The following HIP1 variants were observed in gnomAD, a reference collection of about 807,000 sequenced individuals.
The protein encoded by HIP1 is huntingtin-interacting protein 1.
Under a neutral mutation model 147.6 loss-of-function variants are expected in HIP1, and 65 were observed. The observed-to-expected ratio is 0.44, with a 90% CI of 0.36 to 0.54. The LOEUF (loss-of-function observed/expected upper bound fraction) is 0.54, where lower values mean the gene tolerates loss of function less well. HIP1 is among the 20% of genes least tolerant of loss of function. HIP1 has a pLI of 0.00. For synonymous variants in HIP1, 479 were observed against 504.0 expected (o/e 0.95, Z 0.67); for missense variants, 1,061 against 1,299.6 (o/e 0.82, Z 2.82).
At chr7:75,694,213 C>T (rs1584956614) in intron 1 of HIP1, among the ~76,000 whole-genome samples, 1 of 152,072 alleles carries the variant, frequency 6.6e-6, no homozygotes. Context: ...CCACCGCGCC[C>T]GGCCCCAATT....
intron 1 of HIP1, among the ~76,000 whole-genome samples, chr7:75,676,605 C>T (rs1799898614): frequency 1.3e-5 from 2 of 151,586 alleles, no homozygotes; most frequent in African/African-American, 2.4e-5. Flanking sequence ...GGTGAAACCC[C>T]GTCTCTACTA....
intron 1 of HIP1, among the ~76,000 whole-genome samples, chr7:75,622,250 C>T (rs952477178): frequency 1.4e-4 from 21 of 151,240 alleles, no homozygotes; most frequent in African/African-American, 5.1e-4. Context: ...GCACTCTAGC[C>T]TGGGTGATAG....
At chr7:75,665,039 C>T (rs573522157) in intron 1 of HIP1, among the ~76,000 whole-genome samples, 1 of 152,096 alleles carries the variant, frequency 6.6e-6, no homozygotes, top group East Asian at 1.9e-4. Flanking sequence ...TTTGGGAGGC[C>T]AAGGTGTTCG....
intron 1 of HIP1, among the ~76,000 whole-genome samples, chr7:75,657,401 G>A (rs1277341102): frequency 6.6e-6 from 1 of 151,812 alleles, no homozygotes; most frequent in East Asian, 1.9e-4. Context: ...ATGGTGGCAG[G>A]CACCTGTAAT....
chr7:75,582,218 G>A (rs1382542864), intron 5 of HIP1, 67 bp from the exon 6 acceptor site: 1 of 1,256,652 alleles, frequency 8.0e-7, no homozygotes, highest in African/African-American at 1.5e-5. Flanking sequence ...AGCCGGGCGT[G>A]GTGGCACACG....
At chr7:75,590,544 A>T (rs183830646) in intron 4 of HIP1, among the ~76,000 whole-genome samples, 10 of 152,302 alleles carry the variant, frequency 6.6e-5, no homozygotes, top group Admixed American at 6.5e-4. Flanking sequence ...AAATCTAAAC[A>T]TACCACGTAG....
intron 1 of HIP1, among the ~76,000 whole-genome samples, chr7:75,615,761 G>A (rs1047188045): frequency 9.3e-5 from 14 of 150,068 alleles, no homozygotes; most frequent in Admixed American, 8.6e-4. Context: ...GTGACACAGC[G>A]AGACTCTGTC....
chr7:75,678,889 T>G (rs1799978065), intron 1 of HIP1, among the ~76,000 whole-genome samples: 1 of 152,184 alleles, frequency 6.6e-6, no homozygotes. Context: ...CCTTAAGAAG[T>G]AAGTCAGTAC....
intron 1 of HIP1, among the ~76,000 whole-genome samples, chr7:75,697,069 C>T (rs1450901091): frequency 6.6e-6 from 1 of 151,982 alleles, no homozygotes; most frequent in Admixed American, 6.6e-5. Flanking sequence ...TCCAGGCATG[C>T]AGCCTAAGGT....
chr7:75,596,546 C>T, intron 2 of HIP1, among the ~76,000 whole-genome samples: 1 of 152,146 alleles, frequency 6.6e-6, no homozygotes, highest in East Asian at 1.9e-4. Flanking sequence ...GCCACCACAC[C>T]TGGCTAATTT....
chr7:75,553,302 G>A (rs782096771), intron 22 of HIP1, 151 bp downstream of exon 22: 35 of 989,110 alleles, frequency 3.5e-5, no homozygotes, highest in African/African-American at 2.3e-4. Context: ...CACTGCACCC[G>A]GCCAGATTTT....
Position 75,680,413 on chromosome 7 carries a change from T to C in HIP1, c.120+58388A>G, listed in dbSNP as rs1016232937. On this transcript the variant is annotated intron_variant, in intron 1 of 30. Transcript: ENST00000336926. The stretch of plus-strand genomic sequence containing the variant: ...GTGGTCACCATCCTAACAGATCCCT[T>C]GTCCACCTCCAATCCCTGCCAACCC... 2.0e-5 allele frequency among the ~76,000 whole-genome samples: 3 copies of C among 152,214 alleles called. No homozygotes were observed. In the East Asian group the frequency reaches 5.8e-4, roughly 29 times the overall value.
chr7:75,611,772 G>A (rs1656676737), intron 1 of HIP1: 1 of 1,038,186 alleles, frequency 9.6e-7, no homozygotes. Context: ...TCCCCTGAAA[G>A]GGTGGCATTG....
At chr7:75,725,686 ATAG>A (rs1801629039) in intron 1 of HIP1, among the ~76,000 whole-genome samples, 1 of 152,192 alleles carries the variant, frequency 6.6e-6, no homozygotes, top group Non-Finnish European at 1.5e-5. Context: ...TCATGGGTGT[ATAG>A]TATTCTGATG....
intron 1 of HIP1, among the ~76,000 whole-genome samples, chr7:75,638,110 G>C (rs561701819): frequency 9.3e-5 from 14 of 151,328 alleles, no homozygotes; most frequent in African/African-American, 3.4e-4. Context: ...ACAGGCCCTT[G>C]AGGGTTGCAA....
At chr7:75,641,684 A>G (rs1798659654) in intron 1 of HIP1, among the ~76,000 whole-genome samples, 1 of 150,346 alleles carries the variant, frequency 6.7e-6, no homozygotes, top group African/African-American at 2.5e-5. Flanking sequence ...TATAGTAGAG[A>G]CGGGGTTTCT....
chr7:75,662,695 G>A lies in HIP1; in HGVS notation c.121-63448C>T, dbSNP rs181135471. On this transcript the variant is annotated intron_variant, in intron 1 of 30. Coordinates refer to ENST00000336926, the MANE Select transcript of HIP1 (RefSeq NM_005338.7). ...TAATTTCTGTATTTTTAGTAGAGACGGGATTTCACCATGTTGGTCAGTCTT... is the reference window on the plus strand; with the variant it reads ...TAATTTCTGTATTTTTAGTAGAGACAGGATTTCACCATGTTGGTCAGTCTT... Among the ~76,000 whole-genome samples, 15 of 152,050 alleles carry A rather than the reference G, an allele frequency of 9.9e-5. No homozygotes were observed. The East Asian group carries it at 1.2e-3, about 12-fold the overall frequency.
At chr7:75,644,935 A>C (rs1208522172) in intron 1 of HIP1, among the ~76,000 whole-genome samples, 1 of 152,188 alleles carries the variant, frequency 6.6e-6, no homozygotes, top group Non-Finnish European at 1.5e-5. Flanking sequence ...AGGAACCTTC[A>C]CTTTGACTCA....
intron 1 of HIP1, among the ~76,000 whole-genome samples, chr7:75,715,872 C>A (rs546628188): frequency 2.7e-5 from 4 of 150,064 alleles, no homozygotes; most frequent in Non-Finnish European, 5.9e-5. Flanking sequence ...TTAGGTGAGG[C>A]CTCAAGAAGC....
Sources: gnomAD v4.1 joint callset for allele counts (sites outside exome capture counted in the v4.1 genomes callset) on GRCh38, gnomAD v4.1.1 for gene constraint, MANE v1.5 for transcripts, NCBI Gene and HGNC (gene_info 2026-07-23, HGNC 2026-07-21) for gene names.